OR6N1: variants seen among roughly 807,000 people sequenced by gnomAD.
The protein encoded by OR6N1 is olfactory receptor 6N1.
For missense variants in OR6N1, 394 were observed against 371.7 expected (o/e 1.06, Z -0.49); for synonymous variants, 170 against 150.7 (o/e 1.13, Z -0.94).
At chr1:158,789,821 T>C in the OR6N1 span, among the ~76,000 whole-genome samples, 1 of 152,240 alleles carries the variant, frequency 6.6e-6, no homozygotes, top group Non-Finnish European at 1.5e-5. Context: ...TCCTTTGCTG[T>C]ACAGAAGCTT....
At chr1:158,828,098 C>T in the OR6N1 span, among the ~76,000 whole-genome samples, 4 of 152,142 alleles carry the variant, frequency 2.6e-5, no homozygotes, top group African/African-American at 9.7e-5. Context: ...CCCACTGGGT[C>T]CCTCCCTCAA....
At chr1:158,771,778 T>A (rs895763979) in intron 1 of OR6N1, among the ~76,000 whole-genome samples, 1 of 152,234 alleles carries the variant, frequency 6.6e-6, no homozygotes, top group East Asian at 1.9e-4. Flanking sequence ...GGAGAAGACT[T>A]GTTCCAGTTT....
the OR6N1 span, among the ~76,000 whole-genome samples, chr1:158,790,185 C>T: frequency 6.6e-6 from 1 of 152,016 alleles, no homozygotes; most frequent in Non-Finnish European, 1.5e-5. Context: ...TTTTCTGTTC[C>T]ATTACTCTAT....
chr1:158,784,156 C>T, the OR6N1 span, among the ~76,000 whole-genome samples: 1 of 152,068 alleles, frequency 6.6e-6, no homozygotes, highest in Non-Finnish European at 1.5e-5. Context: ...CCTCTCCACC[C>T]ACACATATGT....
At chr1:158,792,512 A>G in the OR6N1 span, among the ~76,000 whole-genome samples, 1 of 152,088 alleles carries the variant, frequency 6.6e-6, no homozygotes, top group African/African-American at 2.4e-5. Context: ...TCTGATGTGT[A>G]TTAACCTTTT....
At chr1:158,811,089 G>A in the OR6N1 span, among the ~76,000 whole-genome samples, 1 of 152,264 alleles carries the variant, frequency 6.6e-6, no homozygotes, top group East Asian at 1.9e-4. Context: ...ATGTGTCCAT[G>A]TATTCTCAAC....
the OR6N1 span, among the ~76,000 whole-genome samples, chr1:158,781,915 T>C: frequency 6.6e-6 from 1 of 152,240 alleles, no homozygotes; most frequent in East Asian, 1.9e-4. Context: ...CCATTGTACA[T>C]TTGAGAAAAC....
chr1:158,832,093 A>G, the OR6N1 span, among the ~76,000 whole-genome samples: 2 of 152,144 alleles, frequency 1.3e-5, no homozygotes, highest in Non-Finnish European at 2.9e-5. Flanking sequence ...TTCATTTTAC[A>G]ACAAGTGTAA....
chr1:158,780,618 C>A, the OR6N1 span, among the ~76,000 whole-genome samples: 9 of 152,176 alleles, frequency 5.9e-5, no homozygotes, highest in Non-Finnish European at 1.3e-4. Context: ...TACAGTTGGG[C>A]AAAATCATCT....
the OR6N1 span, among the ~76,000 whole-genome samples, chr1:158,825,601 C>T: frequency 3.3e-5 from 5 of 152,038 alleles, no homozygotes; most frequent in Admixed American, 3.3e-4. Flanking sequence ...GTCAGAATGG[C>T]TATTTTTAAA....
chr1:158,813,453 G>A, the OR6N1 span, among the ~76,000 whole-genome samples: 3 of 152,000 alleles, frequency 2.0e-5, no homozygotes, highest in Non-Finnish European at 4.4e-5. Context: ...AAATGAGGAG[G>A]CACCTTCTTC....
chr1:158,787,984 C>A, the OR6N1 span, among the ~76,000 whole-genome samples: 1 of 152,096 alleles, frequency 6.6e-6, no homozygotes, highest in Non-Finnish European at 1.5e-5. Context: ...TTTGAGCAGA[C>A]CTGGTAAGGG....
At chr1:158,789,195 G>C in the OR6N1 span, among the ~76,000 whole-genome samples, 1 of 152,110 alleles carries the variant, frequency 6.6e-6, no homozygotes, top group Non-Finnish European at 1.5e-5. Flanking sequence ...TTTTATTGCT[G>C]AATAGTATCT....
At chr1:158,823,562 T>C in the OR6N1 span, among the ~76,000 whole-genome samples, 1 of 152,142 alleles carries the variant, frequency 6.6e-6, no homozygotes, top group Non-Finnish European at 1.5e-5. Context: ...ATGGCACCTT[T>C]GGCATTTCTG....
At chr1:158,792,345 C>T in the OR6N1 span, among the ~76,000 whole-genome samples, 1 of 151,844 alleles carries the variant, frequency 6.6e-6, no homozygotes, top group African/African-American at 2.4e-5. Context: ...TTTTTTAATC[C>T]ATTCTCCCAA....
chr1:158,815,721 A>T, the OR6N1 span, among the ~76,000 whole-genome samples: 1 of 152,230 alleles, frequency 6.6e-6, no homozygotes, highest in Non-Finnish European at 1.5e-5. Context: ...ACTATTTTAC[A>T]TGCTTTACAT....
At chr1:158,837,659 A>G in the OR6N1 span, among the ~76,000 whole-genome samples, 1 of 151,788 alleles carries the variant, frequency 6.6e-6, no homozygotes, top group Non-Finnish European at 1.5e-5. Context: ...ATTGTGATAT[A>G]TATGTATATA....
chr1:158,766,126 C>G lies in OR6N1; in HGVS notation c.557G>C (p.Ser186Thr). Residue 186 changes from serine to threonine, a missense_variant, in exon 2 of 2, where the codon AGT becomes ACT. Transcript: ENST00000641846. ...TATAGACGTATCAGTGCAAGCCAAACTCAGCACAGGAGGGAAGTCACAAAA... is the reference window on the plus strand; with the variant it reads ...TATAGACGTATCAGTGCAAGCCAAAGTCAGCACAGGAGGGAAGTCACAAAA... ...HVFCDFPPVL[S>T]LACTDTSINV... 6.2e-7 allele frequency: 1 copy of G among 1,614,164 alleles called. No individual in the cohort carries two copies. Among genetic ancestry groups the G allele is most frequent in the South Asian group, 1.1e-5 (1 of 91,090 alleles).
At chr1:158,807,228 TCTTC>T in the OR6N1 span, among the ~76,000 whole-genome samples, 1 of 152,182 alleles carries the variant, frequency 6.6e-6, no homozygotes, top group Non-Finnish European at 1.5e-5. Flanking sequence ...ATTGGGATGT[TCTTC>T]CTTCTTCAGA....
Sources: gnomAD v4.1 joint callset for allele counts (sites outside exome capture counted in the v4.1 genomes callset) on GRCh38, gnomAD v4.1.1 for gene constraint, MANE v1.5 for transcripts, NCBI Gene and HGNC (gene_info 2026-07-23, HGNC 2026-07-21) for gene names.